Variants in GRID2 observed in about 807,000 individuals in gnomAD.
GRID2 encodes glutamate ionotropic receptor delta type subunit 2.
GRID2 carries 33 observed loss-of-function variants against 114.8 expected under a neutral mutation model. The observed-to-expected ratio is 0.29, with a 90% CI of 0.22 to 0.38. The LOEUF is 0.38. GRID2 is among the 10% of genes least tolerant of loss of function. The pLI, the probability that GRID2 is intolerant of heterozygous loss-of-function variation, is 1.00. For missense variants in GRID2, 1,184 were observed against 1,257.7 expected, an observed-to-expected ratio of 0.94 and a Z score of 0.89; for synonymous variants, 505 against 449.9, an observed-to-expected ratio of 1.12 and a Z score of -1.55.
At position 92,619,912 on chromosome 4, in the gene GRID2, C is replaced by T. The variant is rs76587867; in HGVS notation, c.244+29626C>T. ...TACACATGCCTTTTTTTTTCCCCCA[C>T]AGGAGGGATAGAGAAATTTAGACCA... On this transcript the variant is annotated intron_variant, in intron 2 of 15. Transcript: ENST00000282020. 8.2e-3 allele frequency among the ~76,000 whole-genome samples: 1,237 copies of T among 151,492 alleles called. 19 individuals are homozygous for T. Among genetic ancestry groups the T allele is most frequent in the African/African-American group, 0.029 (1,192 of 41,378 alleles).
chr4:93,425,349 T>C (rs1438387716), intron 10 of GRID2, among the ~76,000 whole-genome samples: 1 of 152,190 alleles, frequency 6.6e-6, no homozygotes, highest in Non-Finnish European at 1.5e-5. Flanking sequence ...CTTTAAACAT[T>C]GTTAAGGCAG....
Position 93,395,183 on chromosome 4 carries a change from C to T in GRID2, c.1246-424C>T, listed in dbSNP as rs555580499. Among the ~76,000 whole-genome samples, 25 of 151,856 alleles carry T rather than the reference C, an allele frequency of 1.6e-4. No individual in the cohort carries two copies. In the East Asian group the frequency reaches 3.9e-3, roughly 24 times the overall value. On this transcript the variant is annotated intron_variant, in intron 8 of 15. Transcript: ENST00000282020. Reference sequence around the variant, plus strand: ...CTTCTAACCATATTAAAAATAGTGTCTTTTTTCCCAGTAAAAGCCATATAA... The same window carrying T: ...CTTCTAACCATATTAAAAATAGTGTTTTTTTTCCCAGTAAAAGCCATATAA...
intron 11 of GRID2, among the ~76,000 whole-genome samples, chr4:93,463,750 G>T (rs1013973536): frequency 2.6e-5 from 4 of 152,010 alleles, no homozygotes; most frequent in Non-Finnish European, 5.9e-5. Context: ...AGCATTTTGG[G>T]AGGCCAAGGT....
At chr4:92,521,168 A>AT (rs1724756923) in intron 1 of GRID2, among the ~76,000 whole-genome samples, 1 of 151,924 alleles carries the variant, frequency 6.6e-6, no homozygotes, top group South Asian at 2.1e-4. Flanking sequence ...AACCAGTAGT[A>AT]ATCAGCATAT....
intron 2 of GRID2, among the ~76,000 whole-genome samples, chr4:93,012,829 TTTA>T (rs1292342624): frequency 6.6e-6 from 1 of 152,006 alleles, no homozygotes; most frequent in Non-Finnish European, 1.5e-5. Flanking sequence ...AAATGAGAAA[TTTA>T]TTATAGCTGA....
chr4:93,679,924 A>G (rs1244476215), intron 14 of GRID2, among the ~76,000 whole-genome samples: 7 of 151,166 alleles, frequency 4.6e-5, no homozygotes, highest in African/African-American at 9.8e-5. Context: ...AAATAACTAA[A>G]ATCAGAGCAG....
intron 2 of GRID2, among the ~76,000 whole-genome samples, chr4:92,914,921 T>C (rs986941479): frequency 6.6e-6 from 1 of 152,174 alleles, no homozygotes; most frequent in African/African-American, 2.4e-5. Flanking sequence ...TTATATTCCT[T>C]TGCATATGTA....
chr4:92,820,169 T>A (rs2149386583), intron 2 of GRID2, among the ~76,000 whole-genome samples: 1 of 152,274 alleles, frequency 6.6e-6, no homozygotes, highest in East Asian at 1.9e-4. Context: ...ATAAAGTTTA[T>A]TGGTTTTTAG....
intron 14 of GRID2, among the ~76,000 whole-genome samples, chr4:93,759,952 C>T (rs894232302): frequency 6.6e-6 from 1 of 152,126 alleles, no homozygotes; most frequent in Non-Finnish European, 1.5e-5. Flanking sequence ...AAAAAAAGCA[C>T]AGAAGCCAGA....
intron 4 of GRID2, among the ~76,000 whole-genome samples, chr4:93,153,632 A>G (rs1736919018): frequency 6.6e-6 from 1 of 152,038 alleles, no homozygotes; most frequent in South Asian, 2.1e-4. Flanking sequence ...TCTCCCTTCA[A>G]CAGATCCAGT....
chr4:92,390,950 T>C (rs1303868010), intron 1 of GRID2, among the ~76,000 whole-genome samples: 1 of 152,210 alleles, frequency 6.6e-6, no homozygotes, highest in Non-Finnish European at 1.5e-5. Flanking sequence ...GCCTAATAAA[T>C]ATTTGCTGAA....
At chr4:92,799,767 G>A (rs1044064407) in intron 2 of GRID2, among the ~76,000 whole-genome samples, 7 of 151,968 alleles carry the variant, frequency 4.6e-5, no homozygotes, top group Non-Finnish European at 1.0e-4. Flanking sequence ...GCTTCCACAT[G>A]TGCATTTTAG....
chr4:93,126,926 G>A (rs910261395), intron 4 of GRID2, among the ~76,000 whole-genome samples: 1 of 152,082 alleles, frequency 6.6e-6, no homozygotes, highest in African/African-American at 2.4e-5. Context: ...TTGTTCTCAT[G>A]AAGTTTTTAT....
At chr4:92,606,806 T>A (rs1477648005) in intron 2 of GRID2, among the ~76,000 whole-genome samples, 1 of 152,054 alleles carries the variant, frequency 6.6e-6, no homozygotes, top group Non-Finnish European at 1.5e-5. Context: ...TTAACTCATA[T>A]TTGTCTAATC....
rs115801893 is a variant in GRID2, at chr4:93,256,117, A to G, written c.1245+17627A>G. On this transcript the variant is annotated intron_variant, in intron 8 of 15. Transcript: ENST00000282020. ...CCTATTCTTTTGACTTTCTCCTACA[A>G]TATTTTATGTAATATTTAACTTTTA... is the stretch of plus-strand genomic sequence containing the variant. Among the ~76,000 whole-genome samples, 1,448 of 152,050 alleles carry G rather than the reference A, an allele frequency of 9.5e-3. 13 individuals carry two copies. Among genetic ancestry groups the G allele is most frequent in the African/African-American group, 0.033 (1,374 of 41,516 alleles).
intron 1 of GRID2, among the ~76,000 whole-genome samples, chr4:92,574,389 A>G (rs1727781857): frequency 6.8e-6 from 1 of 147,260 alleles, no homozygotes; most frequent in African/African-American, 2.5e-5. Context: ...ATTGCTATAT[A>G]GTGTTACTGG....
intron 2 of GRID2, among the ~76,000 whole-genome samples, chr4:92,598,118 T>C (rs1434317468): frequency 6.6e-6 from 1 of 152,196 alleles, no homozygotes; most frequent in Non-Finnish European, 1.5e-5. Context: ...TGTTATCTTG[T>C]AATTTTCAAA....
At chr4:93,238,587 A>C in intron 8 of GRID2, 97 bp downstream of exon 8, 2 of 901,434 alleles carry the variant, frequency 2.2e-6, no homozygotes. Context: ...ATTAAAGTCA[A>C]TATTGTAGTG....
intron 13 of GRID2, among the ~76,000 whole-genome samples, chr4:93,536,123 G>A (rs372934188): frequency 7.7e-4 from 117 of 152,012 alleles, no homozygotes; most frequent in African/African-American, 2.3e-3. Flanking sequence ...TTAAATGCCC[G>A]TAGTACCCAG....
Sources: gnomAD v4.1 joint callset for allele counts (sites outside exome capture counted in the v4.1 genomes callset) on GRCh38, gnomAD v4.1.1 for gene constraint, MANE v1.5 for transcripts, NCBI Gene and HGNC (gene_info 2026-07-23, HGNC 2026-07-21) for gene names.